Variants in TYR observed in about 807,000 individuals in gnomAD.
TYR encodes LB24-AB.
TYR carries 58 observed loss-of-function variants against 51.5 expected under a neutral mutation model. The observed-to-expected ratio is 1.13, with a 90% CI of 0.91 to 1.40. TYR has a LOEUF of 1.40. Among genes scored for constraint, TYR ranks in the 40% most tolerant of loss-of-function variants. The pLI is 0.00. For synonymous variants in TYR, 263 were observed against 235.2 expected, an observed-to-expected ratio of 1.12 and a Z score of -1.08; for missense variants, 732 against 647.4, an observed-to-expected ratio of 1.13 and a Z score of -1.42.
chr11:89,268,054 A>G (rs1944546832), intron 3 of TYR, among the ~76,000 whole-genome samples: 1 of 151,954 alleles, frequency 6.6e-6, no homozygotes, highest in South Asian at 2.1e-4. Context: ...GCAGGTTTCA[A>G]ATGTTGATTC....
chr11:89,195,431 C>CAA (rs1300765918), intron 2 of TYR, among the ~76,000 whole-genome samples: 1 of 152,106 alleles, frequency 6.6e-6, no homozygotes, highest in Non-Finnish European at 1.5e-5. Context: ...GTAAACCCAG[C>CAA]AATTTGGAAG....
intron 2 of TYR, among the ~76,000 whole-genome samples, chr11:89,216,647 CAAAAAAAAA>C (rs11411684): frequency 5.0e-5 from 4 of 80,806 alleles, no homozygotes; most frequent in South Asian, 4.7e-4. Context: ...TTTTCCATCT[CAAAAAAAAA>C]AAAAAAAAAA....
chr11:89,236,814 T>C (rs1318643455), intron 3 of TYR, among the ~76,000 whole-genome samples: 1 of 152,206 alleles, frequency 6.6e-6, no homozygotes, highest in East Asian at 1.9e-4. Context: ...CCTACTTTTC[T>C]TGACCTATCT....
At position 89,233,497 on chromosome 11, in the gene TYR, GT is replaced by G. The variant is rs1262074260; in HGVS notation, c.1184+5531del. Among the ~76,000 whole-genome samples, 2 of 138,398 alleles carry G rather than the reference GT, an allele frequency of 1.4e-5. 1 individual carries two copies. The highest frequency in any genetic ancestry group is 5.8e-5 in the African/African-American group (2 of 34,630). 90.8% of individuals were successfully genotyped at this position (138,398 alleles called of 152,430 possible). On this transcript the variant is annotated intron_variant, in intron 3 of 4. Coordinates refer to ENST00000263321, the MANE Select transcript of TYR (RefSeq NM_000372.5). Reference sequence around the variant, plus strand: ...TAGAATGGCGACTCCTTTCCAAAAGGTTTTCAATTTATTATGCCCAGATCCA... The same window carrying G: ...TAGAATGGCGACTCCTTTCCAAAAGGTTTCAATTTATTATGCCCAGATCCA...
chr11:89,201,256 T>C (rs978906469), intron 2 of TYR, among the ~76,000 whole-genome samples: 2 of 152,130 alleles, frequency 1.3e-5, no homozygotes, highest in African/African-American at 4.8e-5. Flanking sequence ...TTTTTTTTTC[T>C]GTTTAAGTGA....
At chr11:89,214,373 C>T (rs924615298) in intron 2 of TYR, among the ~76,000 whole-genome samples, 2 of 152,144 alleles carry the variant, frequency 1.3e-5, no homozygotes, top group Non-Finnish European at 1.5e-5. Context: ...ATTAAAAGGT[C>T]AGGAAACAAC....
In TYR at chr11:89,293,412, G is replaced by C. The variant is rs549440962; in HGVS notation, c.1367-1731G>C. Among the ~76,000 whole-genome samples the C allele has an allele frequency of 1.6e-4, 24 of 151,582 alleles. 1 individual carries two copies. The highest frequency in any genetic ancestry group is 5.3e-4 in the African/African-American group (22 of 41,298). On this transcript the variant is annotated intron_variant, in intron 4 of 4. Transcript: ENST00000263321. ...TAGGATAAACGCAAGTTCTGATTGA[G>C]TAATGACTATGGAAATTTTCCCCGA...
intron 1 of TYR, among the ~76,000 whole-genome samples, chr11:89,179,912 A>C (rs1237437056): frequency 1.3e-5 from 2 of 152,176 alleles, no homozygotes. Flanking sequence ...AGCACTTTTG[A>C]CTAGCAATGC....
At chr11:89,219,628 A>G (rs1020113469) in intron 2 of TYR, among the ~76,000 whole-genome samples, 1 of 152,142 alleles carries the variant, frequency 6.6e-6, no homozygotes, top group African/African-American at 2.4e-5. Flanking sequence ...GGATGAAATT[A>G]TGTCCTTCCA....
At chr11:89,229,239 G>A (rs746072363) in intron 3 of TYR, among the ~76,000 whole-genome samples, 2 of 151,992 alleles carry the variant, frequency 1.3e-5, no homozygotes, top group Non-Finnish European at 2.9e-5. Context: ...TGAGAATTAA[G>A]TAACAGTCTG....
At chr11:89,192,797 T>A (rs939545598) in intron 2 of TYR, among the ~76,000 whole-genome samples, 1 of 152,282 alleles carries the variant, frequency 6.6e-6, no homozygotes, top group South Asian at 2.1e-4. Context: ...TTCACTCAAT[T>A]CTAATAACTA....
At chr11:89,228,298 A>T (rs1299165226) in intron 3 of TYR, among the ~76,000 whole-genome samples, 1 of 152,166 alleles carries the variant, frequency 6.6e-6, no homozygotes, top group Non-Finnish European at 1.5e-5. Flanking sequence ...TCCTACCTTA[A>T]GAAAAAGACA....
intron 4 of TYR, among the ~76,000 whole-genome samples, chr11:89,287,075 T>C (rs1944797718): frequency 6.6e-6 from 1 of 151,862 alleles, no homozygotes; most frequent in Non-Finnish European, 1.5e-5. Flanking sequence ...TAGTGATGTT[T>C]ACTCACGCCT....
intron 3 of TYR, among the ~76,000 whole-genome samples, chr11:89,281,810 A>ATTTCCATCTGTGTTCATCTTTACATT (rs1944725080): frequency 6.6e-6 from 1 of 151,704 alleles, no homozygotes; most frequent in South Asian, 2.1e-4. Context: ...ATCTTTCCAT[A>ATTTCCATCTGTGTTCATCTTTACATT]TTTCCATCTG....
intron 3 of TYR, among the ~76,000 whole-genome samples, chr11:89,241,438 C>A (rs1312481595): frequency 6.6e-6 from 1 of 151,980 alleles, no homozygotes; most frequent in East Asian, 1.9e-4. Context: ...TTGCTAGGAC[C>A]TAACAAAATG....
chr11:89,260,965 C>T (rs1193869088), intron 3 of TYR, among the ~76,000 whole-genome samples: 1 of 152,024 alleles, frequency 6.6e-6, no homozygotes, highest in Non-Finnish European at 1.5e-5. Flanking sequence ...TGTGAGGGAT[C>T]TAGGTTGCAC....
intron 2 of TYR, among the ~76,000 whole-genome samples, chr11:89,214,462 AAG>A (rs1393549233): frequency 6.6e-6 from 1 of 152,190 alleles, no homozygotes; most frequent in Non-Finnish European, 1.5e-5. Context: ...ACCATTGTGG[AAG>A]AGAGTGTGAC....
chr11:89,258,030 G>A (rs1034957393), intron 3 of TYR, among the ~76,000 whole-genome samples: 6 of 151,920 alleles, frequency 3.9e-5, no homozygotes, highest in African/African-American at 1.5e-4. Context: ...GTGAAATTGT[G>A]TTTTGGTGCA....
chr11:89,213,147 T>C (rs1420874393), intron 2 of TYR, among the ~76,000 whole-genome samples: 1 of 152,110 alleles, frequency 6.6e-6, no homozygotes, highest in Admixed American at 6.6e-5. Context: ...GGAAGTCCAA[T>C]TGTCTATTTG....
Sources: allele counts gnomAD v4.1 joint callset (sites outside exome capture counted in the v4.1 genomes callset), GRCh38; gene constraint gnomAD v4.1.1; transcripts MANE v1.5; gene names NCBI Gene and HGNC (gene_info 2026-07-23, HGNC 2026-07-21).